The following RBFOX1 variants were observed in gnomAD, a reference collection of about 807,000 sequenced individuals.
RBFOX1 encodes RNA binding fox-1 homolog 1, also known as RNA binding protein fox-1 homolog 1.
RBFOX1 carries 8 observed loss-of-function variants against 57.7 expected under a neutral mutation model. The ratio of observed to expected loss-of-function variants is 0.14; its 90% CI spans 0.08 to 0.25. The LOEUF is 0.25. Ranked by LOEUF, RBFOX1 falls within the 10% of genes least tolerant of loss-of-function variation. RBFOX1 has a pLI of 1.00. For missense variants in RBFOX1, 611 were observed against 548.5 expected (o/e 1.11, Z -1.14); for synonymous variants, 326 against 222.4 (o/e 1.47, Z -4.15).
chr16:5,797,582 G>C (rs1204547643), intron 3 of RBFOX1, among the ~76,000 whole-genome samples: 2 of 152,170 alleles, frequency 1.3e-5, no homozygotes, highest in African/African-American at 2.4e-5. Context: ...CCAGCCCTAA[G>C]CTGATGCAGA....
chr16:6,715,269 T>G (rs944143750), intron 3 of RBFOX1, among the ~76,000 whole-genome samples: 1 of 150,728 alleles, frequency 6.6e-6, no homozygotes, highest in African/African-American at 2.4e-5. Flanking sequence ...TTTTAAAGTT[T>G]TTTTTTTTTC....
intron 3 of RBFOX1, among the ~76,000 whole-genome samples, chr16:6,904,493 C>T (rs149319925): frequency 6.7e-5 from 10 of 148,942 alleles, no homozygotes; most frequent in Non-Finnish European, 1.2e-4. Flanking sequence ...CCCAGCTACT[C>T]GGGAGGCCGA....
chr16:6,833,065 C>T (rs1000858619), intron 3 of RBFOX1, among the ~76,000 whole-genome samples: 1 of 152,088 alleles, frequency 6.6e-6, no homozygotes, highest in Non-Finnish European at 1.5e-5. Flanking sequence ...AGGCTCTTTT[C>T]CACCTCATGG....
At chr16:7,224,365 T>C (rs1021853531) in intron 4 of RBFOX1, among the ~76,000 whole-genome samples, 3 of 152,198 alleles carry the variant, frequency 2.0e-5, no homozygotes, top group African/African-American at 7.2e-5. Flanking sequence ...TTCAGTCCCA[T>C]TGACATTTGA....
chr16:5,615,065 C>G (rs2047971186), intron 3 of RBFOX1, among the ~76,000 whole-genome samples: 1 of 152,142 alleles, frequency 6.6e-6, no homozygotes, highest in Admixed American at 6.5e-5. Context: ...GATGGGGTTT[C>G]ACTCTGTTAC....
chr16:7,607,159 G>T, intron 9 of RBFOX1, 126 bp from the exon 10 acceptor site: 3 of 773,748 alleles, frequency 3.9e-6, no homozygotes, highest in South Asian at 4.6e-5. Flanking sequence ...ATGCCCAAAC[G>T]ACACCTCCTT....
At position 5,598,926 on chromosome 16, in the gene RBFOX1, C is replaced by T. The variant is rs751439328; in HGVS notation, c.283C>T (p.Leu95Phe). The change falls in exon 3 of 3, where the codon CTC (leucine) becomes TTC (phenylalanine). Residue 95 changes from leucine (L) to phenylalanine (F), a missense_variant. Leu to Phe is a conservative substitution (Grantham distance 22). Transcript: ENST00000585867. ...GGACTACAAGTCTGAAAATTCAACC[C>T]TCCTCCCCGGTGCCAAGAACAGCCT... is the stretch of plus-strand genomic sequence containing the variant. The T allele has an allele frequency of 3.9e-6, 6 of 1,531,084 alleles. No individual in the cohort carries two copies. The African/African-American group carries it at 5.5e-5, about 14-fold the overall frequency. 94.8% of individuals were successfully genotyped at this position (1,531,084 alleles called of 1,614,324 possible).
chr16:5,954,051 T>C (rs2059574595), intron 4 of RBFOX1, among the ~76,000 whole-genome samples: 2 of 152,140 alleles, frequency 1.3e-5, no homozygotes, highest in South Asian at 4.1e-4. Context: ...GGGTAGAGGA[T>C]GGGGCACTGC....
At chr16:6,396,534 C>A (rs985765198) in intron 2 of RBFOX1, among the ~76,000 whole-genome samples, 2 of 152,034 alleles carry the variant, frequency 1.3e-5, no homozygotes, top group Non-Finnish European at 2.9e-5. Context: ...TAGGGGAGCC[C>A]GTGGGAAGCC....
At chr16:6,003,169 C>G (rs927574200) in intron 4 of RBFOX1, among the ~76,000 whole-genome samples, 1 of 151,968 alleles carries the variant, frequency 6.6e-6, no homozygotes, top group East Asian at 1.9e-4. Flanking sequence ...GTCCCAGGTA[C>G]TCCGGAAGCT....
At chr16:6,088,756 T>G (rs1413228194) in intron 1 of RBFOX1, among the ~76,000 whole-genome samples, 2 of 152,096 alleles carry the variant, frequency 1.3e-5, no homozygotes. Flanking sequence ...AAAACTTGTG[T>G]GAGTAATTTC....
At chr16:7,089,287 T>A (rs988147399) in intron 4 of RBFOX1, among the ~76,000 whole-genome samples, 2 of 152,216 alleles carry the variant, frequency 1.3e-5, no homozygotes, top group African/African-American at 2.4e-5. Flanking sequence ...TAGTTAAAAC[T>A]GCATGAACTT....
At chr16:6,824,983 G>GTTTTTTTTTTTTTTTTTTTGT (rs2091917884) in intron 3 of RBFOX1, among the ~76,000 whole-genome samples, 1 of 36,878 alleles carries the variant, frequency 2.7e-5, no homozygotes, top group Non-Finnish European at 5.9e-5. Flanking sequence ...TTCTTTCTTG[G>GTTTTTTTTTTTTTTTTTTTGT]TTTTTTTTTT....
chr16:6,869,166 T>G (rs1021601445), intron 3 of RBFOX1, among the ~76,000 whole-genome samples: 1 of 152,208 alleles, frequency 6.6e-6, no homozygotes, highest in Non-Finnish European at 1.5e-5. Flanking sequence ...CTGTCATATC[T>G]TCTGCTGCTT....
rs1416545423 is a variant in RBFOX1 at position 5,377,209 on chromosome 16, T to A, written c.220-90007T>A. On this transcript the variant is annotated intron_variant, in intron 1 of 2. Coordinates refer to the RBFOX1 transcript ENST00000585867. ...CAAGTGCAAATAGTCAGACATGACATCTGCCTCCCCCACGCACAGCAAGTA... is the reference window on the plus strand; with the variant it reads ...CAAGTGCAAATAGTCAGACATGACAACTGCCTCCCCCACGCACAGCAAGTA... 4.0e-5 allele frequency among the ~76,000 whole-genome samples: 6 copies of A among 151,502 alleles called. 1 individual carries two copies. Among genetic ancestry groups the A allele is most frequent in the African/African-American group, 1.5e-4 (6 of 40,792 alleles).
chr16:7,670,731 T>C (rs2071140410), intron 13 of RBFOX1, among the ~76,000 whole-genome samples: 1 of 152,208 alleles, frequency 6.6e-6, no homozygotes, highest in Non-Finnish European at 1.5e-5. Flanking sequence ...CAAGCCTTTA[T>C]AGGGTACGTC....
chr16:5,958,266 G>C (rs533590954), intron 4 of RBFOX1, among the ~76,000 whole-genome samples: 1 of 152,188 alleles, frequency 6.6e-6, no homozygotes, highest in Non-Finnish European at 1.5e-5. Context: ...CATGAGACTT[G>C]CTTGGAATTA....
intron 3 of RBFOX1, among the ~76,000 whole-genome samples, chr16:6,754,604 C>T (rs1228733199): frequency 6.6e-6 from 1 of 151,838 alleles, no homozygotes; most frequent in Non-Finnish European, 1.5e-5. Flanking sequence ...TTGGTTGTGT[C>T]TTGTTGAATT....
intron 2 of RBFOX1, among the ~76,000 whole-genome samples, chr16:6,594,607 A>G (rs1204800866): frequency 6.6e-6 from 1 of 152,122 alleles, no homozygotes. Context: ...CTAGTTTATT[A>G]TTTAAACTAC....
Sources: allele counts gnomAD v4.1 joint callset (sites outside exome capture counted in the v4.1 genomes callset), GRCh38; gene constraint gnomAD v4.1.1; transcripts MANE v1.5; gene names NCBI Gene and HGNC (gene_info 2026-07-23, HGNC 2026-07-21).